SHROOM3: variants seen among roughly 807,000 people sequenced by gnomAD.
The protein encoded by SHROOM3 is shroom family member 3, also known as protein Shroom3.
In SHROOM3, 47 loss-of-function variants were observed where a neutral mutation model predicts 138.6. That is an observed-to-expected ratio of 0.34 (90% CI 0.27 to 0.43). SHROOM3 has a LOEUF of 0.43. Among genes scored for constraint, SHROOM3 ranks in the 20% least tolerant of loss-of-function variants. SHROOM3 has a pLI of 1.00. For synonymous variants in SHROOM3, 1,062 were observed against 1,063.3 expected, an observed-to-expected ratio of 1.00 and a Z score of 0.02; for missense variants, 2,491 against 2,596.5, an observed-to-expected ratio of 0.96 and a Z score of 0.88.
chr4:76,548,018 G>A (rs1043808932), intron 1 of SHROOM3, among the ~76,000 whole-genome samples: 3 of 151,932 alleles, frequency 2.0e-5, no homozygotes, highest in African/African-American at 7.3e-5. Flanking sequence ...AGTAGTATTA[G>A]GGGAGGCTGA....
At chr4:76,718,854 C>T (rs181602659) in intron 3 of SHROOM3, among the ~76,000 whole-genome samples, 38 of 152,086 alleles carry the variant, frequency 2.5e-4, no homozygotes, top group Non-Finnish European at 4.4e-4. Context: ...TTAATTTATT[C>T]TTGGCCTTGT....
At chr4:76,777,322 T>C (rs1001834750) in intron 10 of SHROOM3, among the ~76,000 whole-genome samples, 1 of 152,184 alleles carries the variant, frequency 6.6e-6, no homozygotes, top group African/African-American at 2.4e-5. Flanking sequence ...CCTCCTTGAT[T>C]AGGTATATTC....
intron 1 of SHROOM3, among the ~76,000 whole-genome samples, chr4:76,466,072 G>A (rs891551378): frequency 1.3e-5 from 2 of 152,172 alleles, no homozygotes; most frequent in African/African-American, 4.8e-5. Flanking sequence ...TGCCCTCTTT[G>A]CTTCCTGCTT....
At chr4:76,464,512 C>A (rs541692039) in intron 1 of SHROOM3, among the ~76,000 whole-genome samples, 1 of 151,718 alleles carries the variant, frequency 6.6e-6, no homozygotes, top group African/African-American at 2.4e-5. Flanking sequence ...AGTTAAAACT[C>A]GGGGGGACTG....
chr4:76,484,562 C>A (rs967921120), intron 1 of SHROOM3, among the ~76,000 whole-genome samples: 1 of 148,364 alleles, frequency 6.7e-6, no homozygotes, highest in Non-Finnish European at 1.5e-5. Context: ...CAGCCTGAGA[C>A]CCTTACTCTA....
intron 1 of SHROOM3, among the ~76,000 whole-genome samples, chr4:76,458,888 AT>A (rs1199725948): frequency 6.6e-6 from 1 of 152,178 alleles, no homozygotes; most frequent in East Asian, 1.9e-4. Flanking sequence ...TGCATCCTGT[AT>A]TTGGACAGGA....
At chr4:76,615,644 G>A (rs1734859426) in intron 2 of SHROOM3, among the ~76,000 whole-genome samples, 1 of 151,710 alleles carries the variant, frequency 6.6e-6, no homozygotes, top group African/African-American at 2.4e-5. Flanking sequence ...GGCACCCAGG[G>A]CATGCATAAT....
At chr4:76,773,978 A>C (rs961436922) in intron 10 of SHROOM3, among the ~76,000 whole-genome samples, 7 of 152,200 alleles carry the variant, frequency 4.6e-5, no homozygotes, top group Non-Finnish European at 1.5e-5. Flanking sequence ...GGGGAGGGGC[A>C]AGATTGATGT....
rs116748639 is a variant in SHROOM3, at chr4:76,492,899, C to A, written c.168+56679C>A. ...AATCTCAACAAAATTTGGTTTTGATCGTGGGATTCTGGGTGGAGATGCTAG... is the reference window on the plus strand; with the variant it reads ...AATCTCAACAAAATTTGGTTTTGATAGTGGGATTCTGGGTGGAGATGCTAG... On this transcript the variant is annotated intron_variant, in intron 1 of 10. Coordinates refer to ENST00000296043, the MANE Select transcript of SHROOM3 (RefSeq NM_020859.4). Among the ~76,000 whole-genome samples, 3 of 151,930 alleles carry A rather than the reference C, an allele frequency of 2.0e-5. No homozygotes were observed. The East Asian group carries it at 5.8e-4, about 29-fold the overall frequency.
intron 1 of SHROOM3, among the ~76,000 whole-genome samples, chr4:76,437,087 A>G (rs1411028503): frequency 6.6e-6 from 1 of 152,158 alleles, no homozygotes; most frequent in East Asian, 1.9e-4. Context: ...TTATTGGTTC[A>G]GGTTACTTTT....
At chr4:76,490,931 A>G (rs371532109) in intron 1 of SHROOM3, among the ~76,000 whole-genome samples, 71 of 152,308 alleles carry the variant, frequency 4.7e-4, no homozygotes, top group African/African-American at 1.6e-3. Flanking sequence ...AGCTTTCTTA[A>G]CCACTGGAGC....
intron 2 of SHROOM3, among the ~76,000 whole-genome samples, chr4:76,610,601 A>G (rs1734740619): frequency 6.6e-6 from 1 of 152,180 alleles, no homozygotes; most frequent in Non-Finnish European, 1.5e-5. Context: ...ACACTCTTGT[A>G]GTGATTTGAT....
intron 2 of SHROOM3, among the ~76,000 whole-genome samples, chr4:76,617,348 AC>A (rs367741410): frequency 1.6e-3 from 246 of 152,298 alleles, no homozygotes; most frequent in African/African-American, 5.7e-3. Context: ...TTTGGAGTTG[AC>A]CTGATGTATT....
At chr4:76,615,144 A>G (rs187738353) in intron 2 of SHROOM3, among the ~76,000 whole-genome samples, 18 of 152,364 alleles carry the variant, frequency 1.2e-4, no homozygotes, top group African/African-American at 3.4e-4. Flanking sequence ...AAGTTCTAGC[A>G]CATTTGAAGA....
At position 76,653,393 on chromosome 4, in the gene SHROOM3, A is replaced by G. The variant is rs150128995; in HGVS notation, c.324-56763A>G. Reference sequence around the variant, plus strand: ...GGTAGAAGCATAGCACCTTCCCCCAATTGTGACAACCCAGGTGTCTCCAGA... The same window carrying G: ...GGTAGAAGCATAGCACCTTCCCCCAGTTGTGACAACCCAGGTGTCTCCAGA... On this transcript the variant is annotated intron_variant, in intron 2 of 10. Transcript: ENST00000296043. 1.1e-3 allele frequency among the ~76,000 whole-genome samples: 168 copies of G among 151,858 alleles called. 1 individual carries two copies. Among genetic ancestry groups the G allele is most frequent in the African/African-American group, 3.9e-3 (161 of 41,372 alleles).
intron 9 of SHROOM3, among the ~76,000 whole-genome samples, chr4:76,764,046 C>T (rs1231838728): frequency 1.3e-5 from 2 of 152,012 alleles, no homozygotes; most frequent in Admixed American, 6.6e-5. Flanking sequence ...TATTAATAAC[C>T]TAAGATATAT....
In SHROOM3 at chr4:76,740,027, A is replaced by G. The variant is rs555870348; in HGVS notation, c.1854A>G (p.Arg618=). Reference sequence around the variant, plus strand: ...CCTGGCAAGCGGGTGAAGACAAGAGATCTTCCAGGCTCTCAGAGCCCTGGG... The same window carrying G: ...CCTGGCAAGCGGGTGAAGACAAGAGGTCTTCCAGGCTCTCAGAGCCCTGGG... The part of the protein sequence containing the change: ...AQAWQAGEDK[R]SSRLSEPWEG... Residue 618 remains arginine, a synonymous_variant, in exon 5 of 11, where the codon AGA becomes AGG. Coordinates refer to ENST00000296043, the MANE Select transcript of SHROOM3 (RefSeq NM_020859.4). The surrounding 1 kb of genome is among the most constrained non-coding windows in gnomAD (Gnocchi z 4.0). 9 of 1,613,944 alleles carry G rather than the reference A, an allele frequency of 5.6e-6. No individual in the cohort carries two copies. The Admixed American group carries it at 1.0e-4, about 18-fold the overall frequency.
chr4:76,735,853 AAAAAAAAAAAAAAAAATATAT>A (rs1370540664), intron 4 of SHROOM3, among the ~76,000 whole-genome samples: 35 of 55,560 alleles, frequency 6.3e-4, no homozygotes, highest in African/African-American at 2.3e-3. Flanking sequence ...AAAAAAAAAA[AAAAAAAAAAAAAAAAATATAT>A]ATATATATAT....
intron 2 of SHROOM3, among the ~76,000 whole-genome samples, chr4:76,601,655 AC>A (rs1734507763): frequency 6.7e-6 from 1 of 149,936 alleles, no homozygotes; most frequent in Admixed American, 6.8e-5. Flanking sequence ...CAGGTGCGCC[AC>A]CAAGCCCAGC....
Sources: gnomAD v4.1 joint callset for allele counts (sites outside exome capture counted in the v4.1 genomes callset) on GRCh38, gnomAD v4.1.1 for gene constraint, Gnocchi (gnomAD v3.1) non-coding constraint, MANE v1.5 for transcripts, NCBI Gene and HGNC (gene_info 2026-07-23, HGNC 2026-07-21) for gene names.